The following BRDT variants were observed in gnomAD, a reference collection of about 807,000 sequenced individuals.
BRDT encodes the protein bromodomain testis associated.
BRDT carries 77 observed loss-of-function variants against 113.9 expected under a neutral mutation model. The observed-to-expected ratio is 0.68, with a 90% CI of 0.56 to 0.82. The LOEUF (loss-of-function observed/expected upper bound fraction) is 0.82, where lower values mean the gene tolerates loss of function less well. Ranked by LOEUF, BRDT falls within the 40% of genes least tolerant of loss-of-function variation. The probability of loss-of-function intolerance (pLI) is 0.00; values close to 1 mark genes in which losing one functional copy is unlikely to be tolerated. For synonymous variants in BRDT, 358 were observed against 366.5 expected, an observed-to-expected ratio of 0.98 and a Z score of 0.26; for missense variants, 1,027 against 1,105.4, an observed-to-expected ratio of 0.93 and a Z score of 1.01.
intron 3 of BRDT, among the ~76,000 whole-genome samples, chr1:91,966,883 A>G (rs543009634): frequency 6.6e-6 from 1 of 152,296 alleles, no homozygotes; most frequent in African/African-American, 2.4e-5. Context: ...AGCCTGGCCA[A>G]GATGGTGAAA....
chr1:91,959,419 C>CTT (rs11346071), intron 1 of BRDT, among the ~76,000 whole-genome samples: 203 of 112,806 alleles, frequency 1.8e-3, no homozygotes, highest in African/African-American at 6.1e-3. Flanking sequence ...CTTTTTCTTT[C>CTT]TTTTTTTTTT....
intron 18 of BRDT, among the ~76,000 whole-genome samples, chr1:92,006,742 C>T (rs921025472): frequency 1.3e-5 from 2 of 152,078 alleles, no homozygotes; most frequent in Non-Finnish European, 2.9e-5. Context: ...GCTGGGATTA[C>T]AGATGTGAGC....
chr1:91,989,997 C>A (rs1685619600), intron 12 of BRDT, among the ~76,000 whole-genome samples: 1 of 152,140 alleles, frequency 6.6e-6, no homozygotes, highest in African/African-American at 2.4e-5. Context: ...TGTTGACCAT[C>A]CGTGGTGTCC....
chr1:91,977,162 A>C lies in BRDT; in HGVS notation c.738A>C (p.Lys246Asn). 1 of 1,614,120 alleles carries C rather than the reference A, an allele frequency of 6.2e-7. No individual in the cohort carries two copies. Among genetic ancestry groups the C allele is most frequent in the Non-Finnish European group, 8.5e-7 (1 of 1,180,004 alleles). ...AATCAGTGGCACTGCCACCTATAAA[A>C]GAAAATATGCCAAAGAATGTTTTGC... is the stretch of plus-strand genomic sequence containing the variant. ...TEKSVALPPIKENMPKNVLPD... is the reference protein window; with the variant it reads ...TEKSVALPPINENMPKNVLPD... The change falls in exon 6 of 19, where the codon AAA becomes AAC. Residue 246 changes from lysine to asparagine, a missense_variant. Lys to Asn is a moderately conservative substitution (Grantham distance 94, BLOSUM62 0). Coordinates refer to ENST00000399546, the MANE Select transcript of BRDT (RefSeq NM_207189.4).
At chr1:91,980,459 G>A (rs556226541) in intron 8 of BRDT, among the ~76,000 whole-genome samples, 184 bp from the exon 9 acceptor site, 15 of 152,284 alleles carry the variant, frequency 9.9e-5, no homozygotes, top group African/African-American at 3.4e-4. Context: ...GATAGTTTTT[G>A]TAATTTAATA....
chr1:91,951,977 A>G (rs1171680339), intron 1 of BRDT, among the ~76,000 whole-genome samples: 2 of 152,144 alleles, frequency 1.3e-5, no homozygotes, highest in Non-Finnish European at 2.9e-5. Flanking sequence ...TGAGTTCAGG[A>G]GTTTGAGACC....
chr1:91,951,767 C>T (rs567420147), intron 1 of BRDT, among the ~76,000 whole-genome samples: 9 of 151,118 alleles, frequency 6.0e-5, no homozygotes, highest in Non-Finnish European at 1.2e-4. Flanking sequence ...GAGTGAGACT[C>T]CAAAGTGGGG....
intron 12 of BRDT, among the ~76,000 whole-genome samples, chr1:91,989,504 G>T (rs1685577216): frequency 1.3e-5 from 2 of 152,224 alleles, no homozygotes; most frequent in South Asian, 4.1e-4. Flanking sequence ...GGGACTACAA[G>T]TGCACACCAC....
intron 1 of BRDT, among the ~76,000 whole-genome samples, chr1:91,954,007 T>C (rs1276660139): frequency 1.3e-5 from 2 of 152,192 alleles, no homozygotes; most frequent in Non-Finnish European, 2.9e-5. Context: ...AGTCTCCCTC[T>C]GTTGCCCAGG....
chr1:91,979,164 A>G (rs1383697027), intron 7 of BRDT, among the ~76,000 whole-genome samples: 1 of 142,146 alleles, frequency 7.0e-6, no homozygotes, highest in Non-Finnish European at 1.5e-5. Context: ...CCCAGGCTGG[A>G]GTGTAGTGGC....
In BRDT at chr1:91,992,252, A is replaced by T; in HGVS notation, c.2065-12A>T. On this transcript the variant is annotated splice_polypyrimidine_tract_variant and intron_variant, in intron 13 of 18. Transcript: ENST00000399546. Reference sequence around the variant, plus strand: ...ATATGATTAATGCTATAATCTATATAATTATTTTTAGAAAATGAAGAATGA... The same window carrying T: ...ATATGATTAATGCTATAATCTATATTATTATTTTTAGAAAATGAAGAATGA... The T allele has an allele frequency of 7.2e-7, 1 of 1,381,560 alleles. No individual in the cohort carries two copies. Among genetic ancestry groups the T allele is most frequent in the Non-Finnish European group, 9.8e-7 (1 of 1,015,634 alleles). The allele number at this position is 1,381,560 out of a possible 1,614,324, so 85.6% of individuals were successfully genotyped here.
At chr1:91,996,564 G>GA (rs1046082252) in intron 15 of BRDT, among the ~76,000 whole-genome samples, 4 of 152,112 alleles carry the variant, frequency 2.6e-5, no homozygotes, top group African/African-American at 7.2e-5. Context: ...TTATAATAGG[G>GA]AAAAAATTGC....
intron 15 of BRDT, among the ~76,000 whole-genome samples, chr1:91,995,018 A>T (rs1319697776): frequency 2.0e-5 from 3 of 152,096 alleles, no homozygotes; most frequent in Non-Finnish European, 4.4e-5. Flanking sequence ...TATTTGTCTA[A>T]AACTGGTTAA....
chr1:92,003,872 A>G (rs1359192341), intron 16 of BRDT, among the ~76,000 whole-genome samples: 3 of 152,164 alleles, frequency 2.0e-5, no homozygotes, highest in East Asian at 1.9e-4. Context: ...TAAATTACAT[A>G]TATTTCTGGT....
chr1:91,992,191 T>G (rs906349282), intron 13 of BRDT, 73 bp from the exon 14 acceptor site: 19 of 811,540 alleles, frequency 2.3e-5, no homozygotes, highest in Non-Finnish European at 3.3e-5. Flanking sequence ...AGCTCTAATT[T>G]GTGAAAAAGA....
rs1437542557 is a variant in BRDT at position 92,004,403 on chromosome 1, A to G, written c.2389-11A>G. 2 of 1,582,196 alleles carry G rather than the reference A, an allele frequency of 1.3e-6. No individual in the cohort carries two copies. The highest frequency in any genetic ancestry group is 1.7e-6 in the Non-Finnish European group (2 of 1,169,828). On this transcript the variant is annotated splice_polypyrimidine_tract_variant and intron_variant, in intron 16 of 18. Transcript: ENST00000399546. ...TCTGTAGACATAGACTGAACCAAAT[A>G]TTTGTTTTAGGATATAAAGATTAAG...
At chr1:91,950,621 AAG>A (rs1680945553) in intron 1 of BRDT, 1 of 151,540 alleles carries the variant, frequency 6.6e-6, no homozygotes, top group Admixed American at 6.6e-5. Flanking sequence ...AGTTCAGGTA[AAG>A]AGAAGTTTCT....
intron 16 of BRDT, among the ~76,000 whole-genome samples, chr1:92,003,279 T>G (rs1472535141): frequency 6.6e-6 from 1 of 152,206 alleles, no homozygotes; most frequent in East Asian, 1.9e-4. Flanking sequence ...TTTTGCCTTA[T>G]ATGGGGCCCT....
At chr1:92,001,955 A>T in intron 15 of BRDT, 94 bp from the exon 16 acceptor site, 3 of 827,764 alleles carry the variant, frequency 3.6e-6, no homozygotes, top group South Asian at 2.1e-5. Context: ...CTTTGTTTTC[A>T]TAGTGTCTGA....
Sources: gnomAD v4.1 joint callset for allele counts (sites outside exome capture counted in the v4.1 genomes callset) on GRCh38, gnomAD v4.1.1 for gene constraint, MANE v1.5 for transcripts, NCBI Gene and HGNC (gene_info 2026-07-23, HGNC 2026-07-21) for gene names.